The following SND1 variants were observed in gnomAD, a reference collection of about 807,000 sequenced individuals.
SND1 encodes staphylococcal nuclease and tudor domain containing 1.
SND1 carries 38 observed loss-of-function variants against 121.7 expected under a neutral mutation model. That is an observed-to-expected ratio of 0.31 (90% CI 0.24 to 0.41). The LOEUF (loss-of-function observed/expected upper bound fraction) is 0.41, where lower values mean the gene tolerates loss of function less well. Among genes scored for constraint, SND1 ranks in the 10% least tolerant of loss-of-function variants. The pLI, the probability that SND1 is intolerant of heterozygous loss-of-function variation, is 1.00. For missense variants in SND1, 868 were observed against 1,184.6 expected (o/e 0.73, Z 3.92); for synonymous variants, 401 against 447.4 (o/e 0.90, Z 1.31).
chr7:127,847,498 C>G (rs1440017227), intron 12 of SND1, among the ~76,000 whole-genome samples: 1 of 152,084 alleles, frequency 6.6e-6, no homozygotes, highest in African/African-American at 2.4e-5. Context: ...AAAATGTGTA[C>G]ATATTTTTAA....
At chr7:127,700,060 A>G (rs1229783084) in intron 4 of SND1, among the ~76,000 whole-genome samples, 1 of 152,172 alleles carries the variant, frequency 6.6e-6, no homozygotes, top group African/African-American at 2.4e-5. Context: ...CGTATGCCAA[A>G]TTTGTATCTT....
intron 15 of SND1, among the ~76,000 whole-genome samples, chr7:127,943,448 G>A (rs935754882): frequency 1.3e-5 from 2 of 152,182 alleles, no homozygotes; most frequent in Admixed American, 6.5e-5. Flanking sequence ...TTTATCCTAC[G>A]AACGTGGTCC....
At chr7:127,949,180 A>G (rs1405172041) in intron 15 of SND1, 1 of 152,254 alleles carries the variant, frequency 6.6e-6, no homozygotes, top group African/African-American at 2.4e-5. Context: ...GGGAGCTGGC[A>G]AATAAATGAA....
intron 12 of SND1, among the ~76,000 whole-genome samples, chr7:127,882,318 G>A (rs1455351496): frequency 6.8e-6 from 1 of 146,776 alleles, no homozygotes; most frequent in African/African-American, 2.5e-5. Flanking sequence ...GCTCAGAGGG[G>A]TAGTCTGGCT....
chr7:127,847,698 A>C (rs1799091783), intron 12 of SND1, among the ~76,000 whole-genome samples: 1 of 152,198 alleles, frequency 6.6e-6, no homozygotes, highest in Non-Finnish European at 1.5e-5. Context: ...TTTCCTCTTT[A>C]TTAAATTTTT....
At chr7:127,758,692 T>C (rs1447044235) in intron 10 of SND1, among the ~76,000 whole-genome samples, 1 of 152,164 alleles carries the variant, frequency 6.6e-6, no homozygotes, top group East Asian at 1.9e-4. Context: ...TAATATGTAA[T>C]CCATTTTGAT....
At chr7:128,086,189 G>A (rs1172296811) in intron 20 of SND1, among the ~76,000 whole-genome samples, 1 of 152,216 alleles carries the variant, frequency 6.6e-6, no homozygotes, top group Non-Finnish European at 1.5e-5. Context: ...GCTGGGAAGG[G>A]ACAGTCACAA....
chr7:128,065,815 G>T (rs188306254), intron 16 of SND1, among the ~76,000 whole-genome samples: 2 of 152,180 alleles, frequency 1.3e-5, no homozygotes, highest in African/African-American at 4.8e-5. Context: ...TGCCCTTCAC[G>T]TCAACTGGGA....
intron 14 of SND1, among the ~76,000 whole-genome samples, chr7:127,927,080 A>G (rs1268001814): frequency 1.3e-5 from 2 of 152,110 alleles, no homozygotes; most frequent in African/African-American, 4.8e-5. Context: ...AGGCTCCTTG[A>G]TTATTCTCAG....
chr7:127,971,832 G>A lies in SND1; in HGVS notation c.1670-19115G>A, dbSNP rs539979006. The stretch of plus-strand genomic sequence containing the variant: ...CTGTCGCCCAGGCTGGAGTGCAGTG[G>A]TGCGATCTCAGCTCACTGCAACCTC... On this transcript the variant is annotated intron_variant, in intron 15 of 23. Coordinates refer to ENST00000354725, the MANE Select transcript of SND1 (RefSeq NM_014390.4). Among the ~76,000 whole-genome samples, 3 of 150,754 alleles carry A rather than the reference G, an allele frequency of 2.0e-5. No homozygotes were observed. The South Asian group carries it at 6.3e-4, about 32-fold the overall frequency.
At chr7:128,091,725 C>G in intron 22 of SND1, 112 bp from the exon 23 acceptor site, 1 of 1,084,476 alleles carries the variant, frequency 9.2e-7, no homozygotes. Flanking sequence ...CTCCATTGGA[C>G]AGGCTTGAGC....
At chr7:127,699,021 G>GC in intron 4 of SND1, 68 bp downstream of exon 4, 2 of 1,309,112 alleles carry the variant, frequency 1.5e-6, no homozygotes, top group Non-Finnish European at 1.1e-6. Context: ...TTTCATTCTT[G>GC]CCCCCAGACA....
chr7:127,788,566 G>A (rs1343895575), intron 10 of SND1, among the ~76,000 whole-genome samples: 3 of 151,996 alleles, frequency 2.0e-5, no homozygotes, highest in Non-Finnish European at 4.4e-5. Context: ...TGAAAGATTC[G>A]TGTACATTAA....
intron 13 of SND1, among the ~76,000 whole-genome samples, chr7:127,899,472 G>A (rs1024124334): frequency 6.6e-6 from 1 of 152,064 alleles, no homozygotes; most frequent in Non-Finnish European, 1.5e-5. Context: ...AAGCCCAGGG[G>A]ACACACATAA....
chr7:127,999,875 A>G (rs1014871881), intron 16 of SND1: 5 of 152,196 alleles, frequency 3.3e-5, no homozygotes, highest in African/African-American at 9.7e-5. Flanking sequence ...TGTAGGGCCT[A>G]TGACCTAGAA....
At chr7:127,813,625 G>C (rs1478534504) in intron 11 of SND1, among the ~76,000 whole-genome samples, 1 of 152,054 alleles carries the variant, frequency 6.6e-6, no homozygotes. Context: ...GCAATGGCAG[G>C]ATCTTGGCTC....
intron 12 of SND1, among the ~76,000 whole-genome samples, chr7:127,877,926 C>A (rs975285600): frequency 6.6e-6 from 1 of 151,720 alleles, no homozygotes; most frequent in African/African-American, 2.4e-5. Context: ...GTGTATTTGT[C>A]TACAAAAAAG....
intron 10 of SND1, among the ~76,000 whole-genome samples, chr7:127,728,028 T>G (rs1049388382): frequency 5.3e-5 from 8 of 152,272 alleles, no homozygotes; most frequent in Admixed American, 1.3e-4. Context: ...GTCAAGACAT[T>G]TGGTATCTGG....
chr7:127,944,321 C>G (rs1801279226), intron 15 of SND1, among the ~76,000 whole-genome samples: 1 of 152,230 alleles, frequency 6.6e-6, no homozygotes. Context: ...GCAGCTGTTG[C>G]AAGTTGGAGG....
Sources: allele counts gnomAD v4.1 joint callset (sites outside exome capture counted in the v4.1 genomes callset), GRCh38; gene constraint gnomAD v4.1.1; transcripts MANE v1.5; gene names NCBI Gene and HGNC (gene_info 2026-07-23, HGNC 2026-07-21).